The following NCAM2 variants were observed in gnomAD, a reference collection of about 807,000 sequenced individuals.
NCAM2 encodes the protein N-CAM-2.
NCAM2 carries 30 observed loss-of-function variants against 98.1 expected under a neutral mutation model. The observed-to-expected ratio is 0.31, with a 90% confidence interval of 0.23 to 0.41. The LOEUF (loss-of-function observed/expected upper bound fraction) is 0.41. NCAM2 is among the 10% of genes least tolerant of loss of function. The probability of loss-of-function intolerance (pLI) is 1.00; values close to 1 mark genes in which losing one functional copy is unlikely to be tolerated. For missense variants in NCAM2, 867 were observed against 1,005.8 expected (o/e 0.86, Z 1.87); for synonymous variants, 368 against 342.4 (o/e 1.07, Z -0.83).
intron 16 of NCAM2, among the ~76,000 whole-genome samples, chr21:21,523,029 TTTG>T (rs1478983321): frequency 1.3e-5 from 2 of 149,740 alleles, no homozygotes; most frequent in Admixed American, 6.6e-5. Context: ...GTTGTTGTTA[TTTG>T]TTGTTGTTTG....
intron 16 of NCAM2, among the ~76,000 whole-genome samples, chr21:21,532,274 G>GTGTT (rs1989747556): frequency 6.6e-6 from 1 of 151,900 alleles, no homozygotes; most frequent in Admixed American, 6.6e-5. Flanking sequence ...CTAAAACTCA[G>GTGTT]TGTTAGTTCA....
chr21:21,039,769 G>A (rs549682370), intron 1 of NCAM2, among the ~76,000 whole-genome samples: 45 of 152,242 alleles, frequency 3.0e-4, no homozygotes, highest in African/African-American at 1.0e-3. Context: ...TGAAGTTGCC[G>A]GAGGGTCACT....
intron 9 of NCAM2, among the ~76,000 whole-genome samples, chr21:21,407,696 G>A (rs1379476931): frequency 6.6e-6 from 1 of 151,982 alleles, no homozygotes; most frequent in Non-Finnish European, 1.5e-5. Context: ...TACCTTAACA[G>A]TTGTAAATAA....
At chr21:21,053,734 G>A (rs1387875600) in intron 1 of NCAM2, among the ~76,000 whole-genome samples, 2 of 149,294 alleles carry the variant, frequency 1.3e-5, no homozygotes, top group African/African-American at 4.9e-5. Flanking sequence ...CTGTCATTTT[G>A]CGTTTTGTTA....
intron 1 of NCAM2, among the ~76,000 whole-genome samples, chr21:21,240,802 T>C (rs993798459): frequency 1.5e-4 from 23 of 152,178 alleles, no homozygotes; most frequent in Non-Finnish European, 2.5e-4. Context: ...GGCAATTTAC[T>C]TACCTTCTGT....
intron 1 of NCAM2, among the ~76,000 whole-genome samples, chr21:21,252,749 C>T (rs75124697): frequency 0.044 from 6,697 of 152,094 alleles, 211 homozygotes; most frequent in South Asian, 0.092. Flanking sequence ...GAATTCATCT[C>T]GTGTCAAACC....
At chr21:21,404,112 A>G (rs2076687891) in intron 9 of NCAM2, among the ~76,000 whole-genome samples, 1 of 152,176 alleles carries the variant, frequency 6.6e-6, no homozygotes, top group Admixed American at 6.6e-5. Context: ...AAATGGAAAT[A>G]AAGCCTCTTT....
At chr21:21,469,729 A>G (rs1474353879) in intron 14 of NCAM2, among the ~76,000 whole-genome samples, 1 of 152,010 alleles carries the variant, frequency 6.6e-6, no homozygotes, top group African/African-American at 2.4e-5. Context: ...GGGGTAATAA[A>G]AAAGAAAAAT....
At chr21:21,481,637 C>T (rs1395495695) in intron 15 of NCAM2, among the ~76,000 whole-genome samples, 1 of 152,032 alleles carries the variant, frequency 6.6e-6, no homozygotes, top group Non-Finnish European at 1.5e-5. Flanking sequence ...ATGAAAAATG[C>T]TAGATGAAAC....
rs191361590 is a variant in NCAM2 at position 21,020,275 on chromosome 21, A to G, written c.55+21657A>G. 5.6e-4 allele frequency among the ~76,000 whole-genome samples: 85 copies of G among 152,158 alleles called. No homozygotes were observed. The East Asian group carries it at 0.014, about 24-fold the overall frequency. On this transcript the variant is annotated intron_variant, in intron 1 of 17. Transcript: ENST00000400546. ...GGTCTCAAACTCCTGACCTCAGGTA[A>G]TCCGCCCGCCTCGGCCTCCCAAAGA... is the stretch of plus-strand genomic sequence containing the variant.
chr21:21,347,706 G>A (rs1458430402), intron 8 of NCAM2, among the ~76,000 whole-genome samples: 1 of 151,912 alleles, frequency 6.6e-6, no homozygotes, highest in Non-Finnish European at 1.5e-5. Context: ...AAAAGTATCT[G>A]ATGAATATTG....
chr21:21,172,033 G>A (rs1195038326), intron 1 of NCAM2, among the ~76,000 whole-genome samples: 1 of 151,910 alleles, frequency 6.6e-6, no homozygotes, highest in African/African-American at 2.4e-5. Context: ...TAATAAATCA[G>A]CATAACACAC....
chr21:21,301,312 T>C (rs922759604), intron 5 of NCAM2, among the ~76,000 whole-genome samples: 3 of 151,998 alleles, frequency 2.0e-5, no homozygotes, highest in Admixed American at 6.6e-5. Flanking sequence ...ATTTGCGAAA[T>C]TGGATGTCTA....
intron 1 of NCAM2, among the ~76,000 whole-genome samples, chr21:21,102,741 A>C (rs1205665587): frequency 6.6e-6 from 1 of 152,030 alleles, no homozygotes; most frequent in Non-Finnish European, 1.5e-5. Context: ...AAACAGTTTG[A>C]AAAAGCCACT....
intron 8 of NCAM2, among the ~76,000 whole-genome samples, chr21:21,354,881 G>T: frequency 6.6e-6 from 1 of 152,112 alleles, no homozygotes; most frequent in South Asian, 2.1e-4. Context: ...AAATAAAACA[G>T]CGGGATAAGC....
chr21:21,113,983 T>C (rs576943852), intron 1 of NCAM2, among the ~76,000 whole-genome samples: 2 of 152,282 alleles, frequency 1.3e-5, no homozygotes, highest in South Asian at 2.1e-4. Flanking sequence ...CTAACTAACA[T>C]TGAGTTATAA....
At chr21:21,095,606 G>A (rs2066105209) in intron 1 of NCAM2, among the ~76,000 whole-genome samples, 1 of 151,514 alleles carries the variant, frequency 6.6e-6, no homozygotes, top group Admixed American at 6.6e-5. Flanking sequence ...AGGAAGAAAA[G>A]ATGATAAGAT....
chr21:21,075,133 A>G (rs9979495), intron 1 of NCAM2, among the ~76,000 whole-genome samples: 15,537 of 152,180 alleles, frequency 0.1, 861 homozygotes, highest in East Asian at 0.19. Flanking sequence ...TGGGAGTTGA[A>G]CAATGAGAAT....
intron 10 of NCAM2, among the ~76,000 whole-genome samples, chr21:21,411,017 T>A (rs80081270): frequency 0.25 from 20,117 of 79,582 alleles, 2,906 homozygotes; most frequent in Non-Finnish European, 0.28. Flanking sequence ...AAAAAAAAAA[T>A]ATATATATAT....
Sources: gnomAD v4.1 joint callset for allele counts (sites outside exome capture counted in the v4.1 genomes callset) on GRCh38, gnomAD v4.1.1 for gene constraint, MANE v1.5 for transcripts, NCBI Gene and HGNC (gene_info 2026-07-23, HGNC 2026-07-21) for gene names.